PDSS2: variants seen among roughly 807,000 people sequenced by gnomAD.
PDSS2 encodes the protein all trans-polyprenyl-diphosphate synthase PDSS2.
In PDSS2, 31 loss-of-function variants were observed where a neutral mutation model predicts 44.5. The ratio of observed to expected loss-of-function variants is 0.70; its 90% CI spans 0.52 to 0.94. The LOEUF (loss-of-function observed/expected upper bound fraction) is 0.94. Among genes scored for constraint, PDSS2 ranks in the 40% least tolerant of loss-of-function variants. PDSS2 has a pLI of 0.00. For synonymous variants in PDSS2, 157 were observed against 180.3 expected (o/e 0.87, Z 1.03); for missense variants, 452 against 482.2 (o/e 0.94, Z 0.59).
At chr6:107,323,517 C>T (rs868326985) in intron 2 of PDSS2, among the ~76,000 whole-genome samples, 12 of 152,110 alleles carry the variant, frequency 7.9e-5, no homozygotes, top group Admixed American at 7.9e-4. Flanking sequence ...TACTTAAGGT[C>T]AAATAGCTAA....
At chr6:107,258,575 G>C (rs1008569809) in intron 3 of PDSS2, among the ~76,000 whole-genome samples, 1 of 152,206 alleles carries the variant, frequency 6.6e-6, no homozygotes, top group African/African-American at 2.4e-5. Context: ...GCCGAGGCAG[G>C]CAGATCACCT....
At chr6:107,310,090 C>T (rs1172391551) in intron 2 of PDSS2, among the ~76,000 whole-genome samples, 1 of 151,938 alleles carries the variant, frequency 6.6e-6, no homozygotes, top group Non-Finnish European at 1.5e-5. Flanking sequence ...TCGAGACCAT[C>T]CTGGCTAACA....
intron 1 of PDSS2, among the ~76,000 whole-genome samples, chr6:107,447,296 A>AG (rs1583098744): frequency 6.6e-6 from 1 of 152,160 alleles, no homozygotes; most frequent in East Asian, 1.9e-4. Flanking sequence ...AGATGGCACC[A>AG]CTGCACTCCA....
At chr6:107,211,064 A>G (rs1773186814) in intron 5 of PDSS2, among the ~76,000 whole-genome samples, 1 of 151,936 alleles carries the variant, frequency 6.6e-6, no homozygotes, top group Admixed American at 6.6e-5. Flanking sequence ...TCCCTAATAC[A>G]TTCCTTTTCT....
At position 107,152,657 on chromosome 6, in the gene PDSS2, C is replaced by G. The variant is rs920247968; in HGVS notation, c.*1962G>C. 1 of 151,856 alleles carries G rather than the reference C, an allele frequency of 6.6e-6. No individual in the cohort carries two copies. Among genetic ancestry groups the G allele is most frequent in the East Asian group, 1.9e-4 (1 of 5,172 alleles). 9.4% of individuals were successfully genotyped at this position (151,856 alleles called of 1,614,324 possible). A position where few individuals can be genotyped will look rare whatever the true frequency, so the allele number is the denominator to read the frequency against. ...TTGTACAGATGAGAAAATTGAGGCT[C>G]AGAAGGAAGTGACTTGTGCAAGGTC... On this transcript the variant is annotated 3_prime_UTR_variant, in exon 8 of 8. Coordinates refer to ENST00000369037, the MANE Select transcript of PDSS2 (RefSeq NM_020381.4).
intron 7 of PDSS2, among the ~76,000 whole-genome samples, chr6:107,167,390 T>C (rs561679944): frequency 1.3e-5 from 2 of 152,330 alleles, no homozygotes; most frequent in African/African-American, 2.4e-5. Context: ...TTAGTCTTGC[T>C]AGTGGTCTAT....
intron 4 of PDSS2, among the ~76,000 whole-genome samples, chr6:107,213,263 G>T (rs1305767289): frequency 2.0e-5 from 3 of 151,090 alleles, no homozygotes; most frequent in African/African-American, 7.3e-5. Flanking sequence ...TGCCAGCCTT[G>T]ACCTCCCAAA....
chr6:107,456,871 TA>T (rs1198506215), intron 1 of PDSS2, among the ~76,000 whole-genome samples: 1 of 152,172 alleles, frequency 6.6e-6, no homozygotes, highest in Non-Finnish European at 1.5e-5. Context: ...GAAAAGTGTT[TA>T]AAAACAGTTT....
intron 6 of PDSS2, among the ~76,000 whole-genome samples, chr6:107,194,811 C>T (rs1407687353): frequency 6.6e-6 from 1 of 151,978 alleles, no homozygotes; most frequent in Non-Finnish European, 1.5e-5. Context: ...ATTAGCCAGG[C>T]GTGGTGGCAG....
intron 6 of PDSS2, among the ~76,000 whole-genome samples, chr6:107,207,529 A>G (rs1230662458): frequency 1.3e-5 from 2 of 152,174 alleles, no homozygotes; most frequent in African/African-American, 4.8e-5. Flanking sequence ...CATTCACAGA[A>G]CAAGATGGTT....
intron 1 of PDSS2, among the ~76,000 whole-genome samples, chr6:107,385,978 G>A (rs1187035677): frequency 6.6e-6 from 1 of 152,028 alleles, no homozygotes; most frequent in Non-Finnish European, 1.5e-5. Flanking sequence ...TAACTGTTAA[G>A]TAAACAGAAT....
chr6:107,374,816 T>C (rs1216822369), intron 1 of PDSS2, among the ~76,000 whole-genome samples: 1 of 152,214 alleles, frequency 6.6e-6, no homozygotes, highest in Non-Finnish European at 1.5e-5. Context: ...GGTGCTAACC[T>C]TCCTGCTTAT....
chr6:107,155,179 T>G (rs1770843315), intron 7 of PDSS2, among the ~76,000 whole-genome samples: 1 of 149,942 alleles, frequency 6.7e-6, no homozygotes, highest in Non-Finnish European at 1.5e-5. Context: ...GGAGTCTCGC[T>G]CTGTCGCCCA....
At chr6:107,336,258 A>G (rs80128495) in intron 1 of PDSS2, among the ~76,000 whole-genome samples, 9,367 of 124,214 alleles carry the variant, frequency 0.075, 360 homozygotes, top group Middle Eastern at 0.1. Flanking sequence ...TCCGTCTCAG[A>G]AAAAAAAAAA....
intron 2 of PDSS2, 83 bp downstream of exon 2, chr6:107,334,115 A>G (rs1380795995): frequency 8.5e-7 from 1 of 1,183,060 alleles, no homozygotes; most frequent in East Asian, 2.3e-5. Flanking sequence ...AGAATGACAA[A>G]GAATGGTGAT....
At chr6:107,321,596 C>G (rs1777383922) in intron 2 of PDSS2, among the ~76,000 whole-genome samples, 1 of 152,176 alleles carries the variant, frequency 6.6e-6, no homozygotes, top group African/African-American at 2.4e-5. Context: ...GGGACCAGTG[C>G]TCAGTGCTCC....
At chr6:107,456,105 G>A (rs1350653442) in intron 1 of PDSS2, among the ~76,000 whole-genome samples, 5 of 152,228 alleles carry the variant, frequency 3.3e-5, no homozygotes, top group South Asian at 2.1e-4. Flanking sequence ...GGCAGATCAC[G>A]AGGTCAGGAG....
intron 7 of PDSS2, among the ~76,000 whole-genome samples, chr6:107,160,989 C>T (rs972484793): frequency 2.0e-5 from 3 of 151,608 alleles, no homozygotes; most frequent in Admixed American, 6.6e-5. Context: ...CTGCCCACCT[C>T]GGCCTCCAAA....
rs185883906 is a variant in PDSS2, at chr6:107,450,791, T to C, written c.296+8199A>G. 2.0e-5 allele frequency among the ~76,000 whole-genome samples: 3 copies of C among 152,300 alleles called. No homozygotes were observed. In the East Asian group the frequency reaches 5.8e-4, roughly 29 times the overall value. ...CTGGAATAAATGCTCAGGAGTCTGATTGCTGGGCTACATGGTAAGTGTATG... is the reference window on the plus strand; with the variant it reads ...CTGGAATAAATGCTCAGGAGTCTGACTGCTGGGCTACATGGTAAGTGTATG... On this transcript the variant is annotated intron_variant, in intron 1 of 7. Transcript: ENST00000369037.
Sources: gnomAD v4.1 joint callset for allele counts (sites outside exome capture counted in the v4.1 genomes callset) on GRCh38, gnomAD v4.1.1 for gene constraint, MANE v1.5 for transcripts, NCBI Gene and HGNC (gene_info 2026-07-23, HGNC 2026-07-21) for gene names.